ABCA12: variants seen among roughly 807,000 people sequenced by gnomAD.
The protein encoded by ABCA12 is glucosylceramide transporter ABCA12.
ABCA12 carries 156 observed loss-of-function variants against 293.5 expected under a neutral mutation model. That is an observed-to-expected ratio of 0.53 (90% CI 0.47 to 0.61). ABCA12 has a LOEUF of 0.61. ABCA12 is among the 20% of genes least tolerant of loss of function. The probability of loss-of-function intolerance (pLI) is 0.00; values close to 1 mark genes in which losing one functional copy is unlikely to be tolerated. For synonymous variants in ABCA12, 1,063 were observed against 1,108.0 expected (o/e 0.96, Z 0.81); for missense variants, 2,797 against 3,090.2 (o/e 0.91, Z 2.25).
chr2:215,000,306 T>A (rs1700118791), intron 22 of ABCA12, among the ~76,000 whole-genome samples: 1 of 152,216 alleles, frequency 6.6e-6, no homozygotes, highest in South Asian at 2.1e-4. Flanking sequence ...TCAGATTTTT[T>A]AAAATCCGAT....
At chr2:215,032,882 T>G (rs1158614078) in intron 8 of ABCA12, among the ~76,000 whole-genome samples, 6 of 152,332 alleles carry the variant, frequency 3.9e-5, no homozygotes, top group African/African-American at 1.4e-4. Context: ...ACCTAAAGCC[T>G]TCTAAAAAGG....
At chr2:215,008,396 AAC>A (rs144250227) in intron 18 of ABCA12, among the ~76,000 whole-genome samples, 11 of 150,870 alleles carry the variant, frequency 7.3e-5, no homozygotes, top group African/African-American at 9.7e-5. Flanking sequence ...TAGCAAGAAA[AAC>A]ACACACACAC....
chr2:215,093,620 G>A (rs530021549), intron 2 of ABCA12, among the ~76,000 whole-genome samples: 13 of 152,296 alleles, frequency 8.5e-5, no homozygotes, highest in African/African-American at 2.6e-4. Flanking sequence ...GGCAGCTGCC[G>A]CTGCTTTAAT....
At chr2:215,071,052 C>A (rs994095189) in intron 2 of ABCA12, among the ~76,000 whole-genome samples, 1 of 151,616 alleles carries the variant, frequency 6.6e-6, no homozygotes, top group African/African-American at 2.4e-5. Flanking sequence ...CACAAACTAT[C>A]TCGGCATGCT....
At chr2:215,009,245 G>A (rs548315095) in intron 18 of ABCA12, among the ~76,000 whole-genome samples, 31 of 152,158 alleles carry the variant, frequency 2.0e-4, no homozygotes, top group African/African-American at 4.6e-4. Context: ...AAAACCACAC[G>A]CTCTCACTTA....
At chr2:215,068,161 T>C (rs1363291351) in intron 2 of ABCA12, among the ~76,000 whole-genome samples, 2 of 152,162 alleles carry the variant, frequency 1.3e-5, no homozygotes, top group South Asian at 2.1e-4. Flanking sequence ...TGGGAACTTA[T>C]TAGAAATAAA....
At chr2:214,934,383 G>T (rs1417006077) in intron 51 of ABCA12, among the ~76,000 whole-genome samples, 168 bp from the exon 52 acceptor site, 1 of 152,182 alleles carries the variant, frequency 6.6e-6, no homozygotes, top group Non-Finnish European at 1.5e-5. Flanking sequence ...TTGCAAAGAT[G>T]AGATGAAAGT....
At chr2:215,127,242 C>A (rs1363161463) in intron 1 of ABCA12, among the ~76,000 whole-genome samples, 1 of 152,052 alleles carries the variant, frequency 6.6e-6, no homozygotes, top group East Asian at 1.9e-4. Context: ...TAGTTCCATG[C>A]ACTGTTGAAT....
At chr2:215,115,710 G>A (rs990662719) in intron 1 of ABCA12, among the ~76,000 whole-genome samples, 14 of 152,160 alleles carry the variant, frequency 9.2e-5, no homozygotes, top group Admixed American at 3.9e-4. Context: ...CTACTGAGAT[G>A]TACCATTCTG....
Position 214,978,196 on chromosome 2 carries a change from G to T in ABCA12, c.5128+120C>A, listed in dbSNP as rs140862355. ...AAAAGGAGGCTTAAATTTCCTTAGT[G>T]TTTTTTGAATTTAGAATGAAACTTT... On this transcript the variant is annotated intron_variant, in intron 33 of 52. Transcript: ENST00000272895. 725 of 1,205,166 alleles carry T rather than the reference G, an allele frequency of 6.0e-4. 2 individuals carry two copies. The African/African-American group carries it at 9.2e-3, about 15-fold the overall frequency. The allele number at this position is 1,205,166 out of a possible 1,614,324, so 74.7% of individuals were successfully genotyped here.
intron 1 of ABCA12, among the ~76,000 whole-genome samples, chr2:215,128,731 G>A (rs1035588836): frequency 1.3e-5 from 2 of 151,918 alleles, no homozygotes; most frequent in Admixed American, 1.3e-4. Flanking sequence ...CCTTGCAATG[G>A]GCTTCACCTT....
intron 1 of ABCA12, among the ~76,000 whole-genome samples, chr2:215,134,616 T>G (rs141723605): frequency 0.18 from 14,453 of 80,296 alleles, 2,012 homozygotes; most frequent in African/African-American, 0.23. Flanking sequence ...TATATATATA[T>G]AGAGAGAGAG....
chr2:215,097,520 G>C (rs1392294470), intron 2 of ABCA12, among the ~76,000 whole-genome samples: 1 of 152,116 alleles, frequency 6.6e-6, no homozygotes, highest in Non-Finnish European at 1.5e-5. Context: ...AAATAGCCGA[G>C]TGTTTTGGGG....
intron 8 of ABCA12, among the ~76,000 whole-genome samples, chr2:215,034,777 A>T (rs2106034646): frequency 6.6e-6 from 1 of 152,312 alleles, no homozygotes; most frequent in Middle Eastern, 3.4e-3. Context: ...AGTTATTTAG[A>T]TGATAAAATG....
In ABCA12 at chr2:215,098,122, A is replaced by G. The variant is rs182780653; in HGVS notation, c.163+13475T>C. Reference sequence around the variant, plus strand: ...ATGTTAGAGCTGTGTAGAGAGGTGTATGAGAGTTTAGGTATGCCATGTGGC... The same window carrying G: ...ATGTTAGAGCTGTGTAGAGAGGTGTGTGAGAGTTTAGGTATGCCATGTGGC... On this transcript the variant is annotated intron_variant, in intron 2 of 52. Coordinates refer to ENST00000272895, the MANE Select transcript of ABCA12 (RefSeq NM_173076.3). 7.9e-5 allele frequency among the ~76,000 whole-genome samples: 12 copies of G among 152,174 alleles called. No homozygotes were observed. In the East Asian group the frequency reaches 1.6e-3, roughly 20 times the overall value.
intron 1 of ABCA12, among the ~76,000 whole-genome samples, chr2:215,133,302 T>C (rs543576051): frequency 2.6e-5 from 4 of 151,788 alleles, no homozygotes; most frequent in African/African-American, 9.6e-5. Flanking sequence ...TCTGGATGTC[T>C]ACCATTCAAG....
intron 6 of ABCA12, among the ~76,000 whole-genome samples, chr2:215,047,705 A>G (rs1425915234): frequency 1.3e-5 from 2 of 152,192 alleles, no homozygotes; most frequent in African/African-American, 4.8e-5. Flanking sequence ...TAAAACCCCA[A>G]ATTATAAAAA....
In ABCA12 at chr2:215,086,629, C is replaced by A. The variant is rs79717513; in HGVS notation, c.164-22410G>T. On this transcript the variant is annotated intron_variant, in intron 2 of 52. Transcript: ENST00000272895. ...AGTTCCATTCAGCCTTGTGTCCCAT[C>A]ACTCACCGTATGATTCTGGAGCTAA... Among the ~76,000 whole-genome samples the A allele has an allele frequency of 2.0e-5, 3 of 152,308 alleles. No individual in the cohort carries two copies. The East Asian group carries it at 5.8e-4, about 29-fold the overall frequency.
chr2:215,003,491 C>CT (rs146737449), intron 20 of ABCA12, among the ~76,000 whole-genome samples: 3,435 of 152,154 alleles, frequency 0.023, 68 homozygotes, highest in Non-Finnish European at 0.029. Context: ...TCAAGTGATA[C>CT]TGAGGCCAGT....
Sources: gnomAD v4.1 joint callset for allele counts (sites outside exome capture counted in the v4.1 genomes callset) on GRCh38, gnomAD v4.1.1 for gene constraint, MANE v1.5 for transcripts, NCBI Gene and HGNC (gene_info 2026-07-23, HGNC 2026-07-21) for gene names.